The following CACNB4 variants were observed in gnomAD, a reference collection of about 807,000 sequenced individuals.
CACNB4 encodes the protein calcium voltage-gated channel auxiliary subunit beta 4, also known as voltage-dependent L-type calcium channel subunit beta-4.
In CACNB4, 32 loss-of-function variants were observed where a neutral mutation model predicts 71.2. The ratio of observed to expected loss-of-function variants is 0.45; its 90% confidence interval spans 0.34 to 0.60. CACNB4 has a LOEUF of 0.60. Ranked by LOEUF, CACNB4 falls within the 20% of genes least tolerant of loss-of-function variation. CACNB4 has a pLI of 0.01. For missense variants in CACNB4, 464 were observed against 647.9 expected (o/e 0.72, Z 3.08); for synonymous variants, 231 against 236.9 (o/e 0.97, Z 0.23).
At chr2:151,940,002 C>T (rs961074866) in intron 2 of CACNB4, among the ~76,000 whole-genome samples, 2 of 152,074 alleles carry the variant, frequency 1.3e-5, no homozygotes, top group South Asian at 2.1e-4. Flanking sequence ...AAATTTTACT[C>T]GTTAGTTTTG....
At chr2:152,041,967 A>G (rs1213119271) in intron 2 of CACNB4, among the ~76,000 whole-genome samples, 1 of 152,162 alleles carries the variant, frequency 6.6e-6, no homozygotes, top group Non-Finnish European at 1.5e-5. Flanking sequence ...CCCAGCACAT[A>G]GGAGGTGTTC....
intron 2 of CACNB4, chr2:151,971,888 C>G (rs1305831821): frequency 4.7e-6 from 2 of 425,716 alleles, no homozygotes; most frequent in East Asian, 5.0e-5. Flanking sequence ...TTCCTCACCT[C>G]CACAGATGTG....
chr2:151,874,446 C>A (rs1366103317), intron 5 of CACNB4, among the ~76,000 whole-genome samples: 1 of 143,810 alleles, frequency 7.0e-6, no homozygotes, highest in African/African-American at 2.6e-5. Flanking sequence ...CCAGCCTGGG[C>A]GACAGAGCGA....
intron 2 of CACNB4, among the ~76,000 whole-genome samples, chr2:152,029,827 C>A (rs1684183334): frequency 6.6e-6 from 1 of 152,222 alleles, no homozygotes; most frequent in South Asian, 2.1e-4. Context: ...AAGGCACCAT[C>A]CATGAACCAG....
intron 2 of CACNB4, among the ~76,000 whole-genome samples, chr2:152,039,887 G>GA (rs1684786356): frequency 1.4e-5 from 2 of 138,936 alleles, no homozygotes; most frequent in Non-Finnish European, 3.1e-5. Context: ...AGAGAATGCA[G>GA]AAAAAAAGAA....
At chr2:151,954,850 CTTTT>C (rs34054917) in intron 2 of CACNB4, among the ~76,000 whole-genome samples, 1 of 94,922 alleles carries the variant, frequency 1.1e-5, no homozygotes, top group Non-Finnish European at 1.9e-5. Flanking sequence ...CAAGTCAGCA[CTTTT>C]TTTTTTTTTT....
intron 2 of CACNB4, chr2:151,971,136 T>C (rs1313848683): frequency 4.6e-6 from 1 of 215,916 alleles, no homozygotes; most frequent in Non-Finnish European, 9.4e-6. Flanking sequence ...ACATCTACTT[T>C]TGGACCAAAC....
intron 9 of CACNB4, among the ~76,000 whole-genome samples, chr2:151,863,644 G>A (rs2099842327): frequency 6.6e-6 from 1 of 151,932 alleles, no homozygotes; most frequent in South Asian, 2.1e-4. Context: ...AAATCTGAAG[G>A]GATTATCATC....
At chr2:151,894,105 G>A (rs2099851417) in intron 2 of CACNB4, among the ~76,000 whole-genome samples, 2 of 152,198 alleles carry the variant, frequency 1.3e-5, no homozygotes. Context: ...AGGCTGTAGT[G>A]AGCTATGATC....
intron 2 of CACNB4, among the ~76,000 whole-genome samples, chr2:152,027,852 CAAAAAAAAA>C (rs5835403): frequency 1.3e-5 from 1 of 76,212 alleles, no homozygotes; most frequent in Non-Finnish European, 2.3e-5. Context: ...GACTCCGTCT[CAAAAAAAAA>C]AAAAAAAAAA....
chr2:151,949,457 T>C (rs2099866363), intron 2 of CACNB4, among the ~76,000 whole-genome samples: 1 of 144,684 alleles, frequency 6.9e-6, no homozygotes, highest in African/African-American at 2.6e-5. Flanking sequence ...TGATGTTGAG[T>C]CAGGCCTTGA....
At chr2:152,035,662 T>TAC (rs1314324200) in intron 2 of CACNB4, among the ~76,000 whole-genome samples, 1 of 150,714 alleles carries the variant, frequency 6.6e-6, no homozygotes, top group East Asian at 1.9e-4. Flanking sequence ...TATATATATA[T>TAC]ATATATGTAT....
intron 9 of CACNB4, 40 bp from the exon 10 acceptor site, chr2:151,860,860 T>C (rs1162379963): frequency 4.6e-6 from 6 of 1,297,222 alleles, no homozygotes; most frequent in South Asian, 1.2e-5. Flanking sequence ...CCAGTAAAAA[T>C]GTTATGGGGC....
chr2:152,062,242 GA>G (rs543048531), intron 2 of CACNB4, among the ~76,000 whole-genome samples: 46 of 150,316 alleles, frequency 3.1e-4, no homozygotes, highest in African/African-American at 1.1e-3. Flanking sequence ...ACAACAGATA[GA>G]AAAAAAAACT....
At chr2:152,054,083 G>A (rs143815542) in intron 2 of CACNB4, among the ~76,000 whole-genome samples, 29 of 152,270 alleles carry the variant, frequency 1.9e-4, no homozygotes, top group African/African-American at 6.7e-4. Context: ...GAAGTATTGT[G>A]TTGGCCGGGC....
chr2:151,863,252 G>A (rs1001867640), intron 9 of CACNB4, among the ~76,000 whole-genome samples: 1 of 152,060 alleles, frequency 6.6e-6, no homozygotes, highest in African/African-American at 2.4e-5. Context: ...TTTTACTACA[G>A]ATGAGGTTTC....
chr2:152,067,012 G>A (rs1271938511), intron 2 of CACNB4, among the ~76,000 whole-genome samples: 1 of 114,556 alleles, frequency 8.7e-6, no homozygotes, highest in Non-Finnish European at 1.7e-5. Flanking sequence ...GGGGAGGGGG[G>A]AGGGATAGCA....
chr2:151,983,934 C>A (rs1681177092), intron 2 of CACNB4, among the ~76,000 whole-genome samples: 2 of 152,156 alleles, frequency 1.3e-5, no homozygotes, highest in Non-Finnish European at 2.9e-5. Context: ...CTTCAGAAAT[C>A]CATTCTCTTT....
At chr2:151,936,426 G>A (rs1306505939) in intron 2 of CACNB4, 3 of 152,202 alleles carry the variant, frequency 2.0e-5, no homozygotes. Flanking sequence ...GGCCAAAGAA[G>A]CATGAAATGG....
Sources: gnomAD v4.1 joint callset for allele counts (sites outside exome capture counted in the v4.1 genomes callset) on GRCh38, gnomAD v4.1.1 for gene constraint, MANE v1.5 for transcripts, NCBI Gene and HGNC (gene_info 2026-07-23, HGNC 2026-07-21) for gene names.